ADD2: variants seen among roughly 807,000 people sequenced by gnomAD.
The protein encoded by ADD2 is adducin 2.
A neutral mutation model predicts 83.0 loss-of-function variants in ADD2; 23 were observed. That is an observed-to-expected ratio of 0.28 (90% confidence interval 0.20 to 0.39). ADD2 has a LOEUF of 0.39. Ranked by LOEUF, ADD2 falls within the 10% of genes least tolerant of loss-of-function variation. ADD2 has a pLI of 1.00. For missense variants in ADD2, 758 were observed against 944.9 expected, an observed-to-expected ratio of 0.80 and a Z score of 2.59; for synonymous variants, 375 against 375.4, an observed-to-expected ratio of 1.00 and a Z score of 0.01.
rs1037243014 is a variant in ADD2, at chr2:70,684,270, G to A, written c.949-503C>T. On this transcript the variant is annotated intron_variant, in intron 9 of 15. Transcript: ENST00000264436. ...TCCTATTTTTTTTTATTTTTATTTT[G>A]AGACAGTGTCTCTGTTGCCCAGGCT... Among the ~76,000 whole-genome samples, 3 of 151,852 alleles carry A rather than the reference G, an allele frequency of 2.0e-5. No homozygotes were observed. In the South Asian group the frequency reaches 6.3e-4, roughly 32 times the overall value.
At chr2:70,767,537 C>A (rs1346621584) in intron 1 of ADD2, 6 of 737,864 alleles carry the variant, frequency 8.1e-6, no homozygotes, top group Non-Finnish European at 1.1e-5. Context: ...AGGGGAGGAG[C>A]GGCCCCGCCC....
chr2:70,712,040 T>A (rs1302650436), intron 2 of ADD2, among the ~76,000 whole-genome samples: 1 of 152,212 alleles, frequency 6.6e-6, no homozygotes, highest in African/African-American at 2.4e-5. Context: ...AGCCAACTGA[T>A]GACAGGGAAT....
chr2:70,748,777 T>G (rs1674362597), intron 1 of ADD2, among the ~76,000 whole-genome samples: 1 of 152,178 alleles, frequency 6.6e-6, no homozygotes, highest in Non-Finnish European at 1.5e-5. Flanking sequence ...TCCAAAGGAT[T>G]TTGGAGGTTT....
At chr2:70,673,384 G>GA in intron 14 of ADD2, 1 of 1,496,218 alleles carries the variant, frequency 6.7e-7, no homozygotes, top group African/African-American at 1.4e-5. Flanking sequence ...CAACGGGTAA[G>GA]AGGTGGACCC....
At chr2:70,684,250 T>A (rs1316344592) in intron 9 of ADD2, among the ~76,000 whole-genome samples, 2 of 132,632 alleles carry the variant, frequency 1.5e-5, no homozygotes, top group African/African-American at 6.7e-5. Flanking sequence ...ATATCTCCTA[T>A]TTTTTTTTAT....
At chr2:70,686,815 C>A (rs536226643) in intron 9 of ADD2, among the ~76,000 whole-genome samples, 1 of 152,274 alleles carries the variant, frequency 6.6e-6, no homozygotes, top group South Asian at 2.1e-4. Flanking sequence ...CTGTTCTGAC[C>A]ACTGCCTCTA....
Position 70,660,189 on chromosome 2 carries a change from G to C in ADD2, c.*3236C>G, listed in dbSNP as rs1282532949. 6.6e-6 allele frequency: 1 copy of C among 152,158 alleles called. No homozygotes were observed. The highest frequency in any genetic ancestry group is 1.5e-5 in the Non-Finnish European group (1 of 68,056). 9.4% of individuals were successfully genotyped at this position (152,158 alleles called of 1,614,324 possible). On this transcript the variant is annotated 3_prime_UTR_variant, in exon 16 of 16. Transcript: ENST00000264436. Reference sequence around the variant, plus strand: ...CTAAATGTGCCACATTCTGTGCAAGGGAAGAAGAAATGGCAGGATGGCTGG... The same window carrying C: ...CTAAATGTGCCACATTCTGTGCAAGCGAAGAAGAAATGGCAGGATGGCTGG...
Position 70,688,045 on chromosome 2 carries a change from C to G in ADD2, c.927G>C (p.Leu309=). ...TCACCTGTATCTCACATGCAGCCTG[C>G]AGGTGGAAGATCTTGTAAAATGCCT... ...VEEAFYKIFH[L]QAACEIQVSA... is the part of the protein sequence containing the mutation. The change falls in exon 9 of 16, where the codon CTG becomes CTC. Residue 309 remains leucine, a synonymous_variant. Coordinates refer to ENST00000264436, the MANE Select transcript of ADD2 (RefSeq NM_001617.4). 6.2e-7 allele frequency: 1 copy of G among 1,614,132 alleles called. No individual in the cohort carries two copies. The highest frequency in any genetic ancestry group is 1.3e-5 in the African/African-American group (1 of 75,062).
chr2:70,728,686 TC>T (rs1221900873), intron 1 of ADD2, among the ~76,000 whole-genome samples: 1 of 152,232 alleles, frequency 6.6e-6, no homozygotes, highest in Non-Finnish European at 1.5e-5. Flanking sequence ...ACAGTAACCA[TC>T]CCCGCTCATG....
chr2:70,752,629 G>C, intron 1 of ADD2, among the ~76,000 whole-genome samples: 1 of 152,182 alleles, frequency 6.6e-6, no homozygotes, highest in East Asian at 1.9e-4. Context: ...AAAATCTTTG[G>C]CTTGTGCAAC....
intron 1 of ADD2, among the ~76,000 whole-genome samples, chr2:70,732,576 C>T (rs1673340550): frequency 6.6e-6 from 1 of 152,136 alleles, no homozygotes; most frequent in South Asian, 2.1e-4. Flanking sequence ...TCCCGGATCT[C>T]CCTGAGCCAT....
In ADD2 at chr2:70,706,241, C is replaced by A; in HGVS notation, c.168G>T (p.Met56Ile). The stretch of plus-strand genomic sequence containing the variant: ...CCCCACTCACGGGACTCTGCAGGAT[C>A]ATGGTGACGCGCTTCTTCTGCTCCA... ...NLMEQKKRVT[M>I]ILQSPSFREE... Residue 56 changes from methionine (M) to isoleucine (I), a missense_variant, in exon 3 of 16, where the codon ATG (methionine) becomes ATT (isoleucine). Physicochemically the swap from Met to Ile is conservative, Grantham distance 10. Transcript: ENST00000264436. The surrounding 1 kb of genome is among the most constrained non-coding windows in gnomAD (Gnocchi z 5.0). The A allele has an allele frequency of 6.2e-7, 1 of 1,614,002 alleles. No individual in the cohort carries two copies. The highest frequency in any genetic ancestry group is 8.5e-7 in the Non-Finnish European group (1 of 1,179,984).
In ADD2 at chr2:70,676,126, A is replaced by T. The variant is rs60199172; in HGVS notation, c.1593+670T>A. ...TGTATTTCCCCAATTTTTACTGCTA[A>T]GGAAAATGTCATGCCCATTGCTACC... On this transcript the variant is annotated intron_variant, in intron 13 of 15. Coordinates refer to ENST00000264436, the MANE Select transcript of ADD2 (RefSeq NM_001617.4). The surrounding 1 kb of genome is among the most constrained non-coding windows in gnomAD (Gnocchi z 4.8). 1.9e-3 allele frequency: 1,877 copies of T among 985,478 alleles called. 31 individuals carry two copies. In the African/African-American group the frequency reaches 0.031, roughly 16 times the overall value. The allele number at this position is 985,478 out of a possible 1,614,324, so 61.0% of individuals were successfully genotyped here.
chr2:70,670,263 T>C (rs1669844779), intron 15 of ADD2, among the ~76,000 whole-genome samples: 1 of 152,228 alleles, frequency 6.6e-6, no homozygotes, highest in South Asian at 2.1e-4. Context: ...TATTACAAAG[T>C]ACTTTTATAT....
intron 9 of ADD2, 127 bp from the exon 10 acceptor site, chr2:70,683,894 C>A: frequency 9.6e-7 from 1 of 1,039,964 alleles, no homozygotes; most frequent in Non-Finnish European, 1.3e-6. Context: ...TGAGAAAGAG[C>A]CACCCATACT....
intron 15 of ADD2, among the ~76,000 whole-genome samples, chr2:70,672,618 T>C (rs1669941572): frequency 6.6e-6 from 1 of 152,250 alleles, no homozygotes. Context: ...GCCCCGGCCA[T>C]GTCTGAGTTG....
Position 70,676,672 on chromosome 2 carries a change from G to T in ADD2, c.1593+124C>A, listed in dbSNP as rs369341647. On this transcript the variant is annotated intron_variant, in intron 13 of 15. Coordinates refer to ENST00000264436, the MANE Select transcript of ADD2 (RefSeq NM_001617.4). The surrounding 1 kb of genome is among the most constrained non-coding windows in gnomAD (Gnocchi z 4.8). ...GCCTCCATTTTGCAGCAAGAGCACC[G>T]GCACCCAAGATCACAGGGGAAGGTG... The T allele has an allele frequency of 3.3e-6, 5 of 1,505,792 alleles. No homozygotes were observed. Among genetic ancestry groups the T allele is most frequent in the Non-Finnish European group, 4.5e-6 (5 of 1,119,644 alleles). 93.3% of individuals were successfully genotyped at this position (1,505,792 alleles called of 1,614,324 possible).
chr2:70,754,798 A>C (rs1048478728), intron 1 of ADD2, among the ~76,000 whole-genome samples: 3 of 152,100 alleles, frequency 2.0e-5, no homozygotes, highest in Non-Finnish European at 4.4e-5. Context: ...TGTGGATGTC[A>C]ACATCCTACT....
At chr2:70,728,285 T>C (rs1553378674) in intron 1 of ADD2, among the ~76,000 whole-genome samples, 1 of 152,196 alleles carries the variant, frequency 6.6e-6, no homozygotes, top group African/African-American at 2.4e-5. Flanking sequence ...TTCCAGTACC[T>C]GTCTGCCAGG....
Sources: allele counts gnomAD v4.1 joint callset (sites outside exome capture counted in the v4.1 genomes callset), GRCh38; gene constraint gnomAD v4.1.1; non-coding constraint Gnocchi (gnomAD v3.1); transcripts MANE v1.5; gene names NCBI Gene and HGNC (gene_info 2026-07-23, HGNC 2026-07-21).